Variants in FAM193A observed in about 807,000 individuals in gnomAD.
FAM193A encodes the protein protein FAM193A.
A neutral mutation model predicts 126.5 loss-of-function variants in FAM193A; 22 were observed. The ratio of observed to expected loss-of-function variants is 0.17; its 90% CI spans 0.12 to 0.25. The LOEUF (loss-of-function observed/expected upper bound fraction) is 0.25, where lower values mean the gene tolerates loss of function less well. FAM193A is among the 10% of genes least tolerant of loss of function. The probability of loss-of-function intolerance (pLI) is 1.00; values close to 1 mark genes in which losing one functional copy is unlikely to be tolerated. For synonymous variants in FAM193A, 761 were observed against 646.8 expected (o/e 1.18, Z -2.68); for missense variants, 1,675 against 1,672.8 (o/e 1.00, Z -0.02).
At chr4:2,578,764 A>G (rs1229839175) in intron 1 of FAM193A, among the ~76,000 whole-genome samples, 1 of 152,206 alleles carries the variant, frequency 6.6e-6, no homozygotes, top group African/African-American at 2.4e-5. Context: ...TTCCTACAAT[A>G]AAGTAAGCTA....
upstream of FAM193A, among the ~76,000 whole-genome samples, chr4:2,535,484 G>A (rs889109795): frequency 6.6e-6 from 1 of 152,190 alleles, no homozygotes; most frequent in African/African-American, 2.4e-5. Flanking sequence ...GACACCACCG[G>A]TGGAACCAAA....
intron 13 of FAM193A, among the ~76,000 whole-genome samples, chr4:2,681,152 G>T (rs192953349): frequency 6.4e-4 from 97 of 151,902 alleles, no homozygotes; most frequent in African/African-American, 2.2e-3. Context: ...ACCACTCCCA[G>T]CCCCTTTTAT....
At chr4:2,692,194 GC>G (rs1716465274) in intron 15 of FAM193A, among the ~76,000 whole-genome samples, 1 of 152,150 alleles carries the variant, frequency 6.6e-6, no homozygotes, top group South Asian at 2.1e-4. Context: ...GGCTAGGGAG[GC>G]TTCAGGAAAT....
At chr4:2,663,066 C>T (rs1712666167) in intron 11 of FAM193A, 43 bp from the exon 12 acceptor site, 1 of 1,599,380 alleles carries the variant, frequency 6.3e-7, no homozygotes, top group South Asian at 1.1e-5. Flanking sequence ...TTTTATATTA[C>T]TCTGTTTTGA....
At chr4:2,573,100 C>T (rs1739386496) in intron 1 of FAM193A, among the ~76,000 whole-genome samples, 1 of 152,078 alleles carries the variant, frequency 6.6e-6, no homozygotes, top group Admixed American at 6.6e-5. Flanking sequence ...AAGCAGGAAT[C>T]TCCTTTCTTC....
intron 1 of FAM193A, among the ~76,000 whole-genome samples, chr4:2,592,761 G>A (rs758303286): frequency 4.6e-5 from 7 of 152,176 alleles, no homozygotes; most frequent in Non-Finnish European, 8.8e-5. Flanking sequence ...CTGCAAAGAG[G>A]GGAAGGAAGA....
intron 1 of FAM193A, among the ~76,000 whole-genome samples, chr4:2,552,902 C>T (rs1417877683): frequency 2.8e-5 from 4 of 141,332 alleles, no homozygotes; most frequent in Non-Finnish European, 6.0e-5. Context: ...GGCTGGAGTG[C>T]AGTGGTGCAG....
intron 18 of FAM193A, 110 bp downstream of exon 18, chr4:2,696,703 C>G (rs1400399717): frequency 1.3e-6 from 1 of 756,390 alleles, no homozygotes; most frequent in Admixed American, 2.6e-5. Context: ...GGGGCTCTGA[C>G]GTGTGTTCAC....
At chr4:2,723,403 C>T (rs1259547325) in intron 20 of FAM193A, among the ~76,000 whole-genome samples, 1 of 151,976 alleles carries the variant, frequency 6.6e-6, no homozygotes, top group Non-Finnish European at 1.5e-5. Flanking sequence ...GTTGAAACCC[C>T]CTCTCTACTG....
At chr4:2,680,974 T>A (rs1233964976) in intron 13 of FAM193A, among the ~76,000 whole-genome samples, 1 of 152,144 alleles carries the variant, frequency 6.6e-6, no homozygotes, top group East Asian at 1.9e-4. Context: ...CCTTTTATGT[T>A]TTTTTCTTAA....
At chr4:2,553,218 A>G in intron 1 of FAM193A, among the ~76,000 whole-genome samples, 1 of 151,946 alleles carries the variant, frequency 6.6e-6, no homozygotes, top group Non-Finnish European at 1.5e-5. Flanking sequence ...AGCTCCAGCT[A>G]CTCAGTAGGC....
chr4:2,649,871 G>A (rs1397662903), intron 7 of FAM193A, among the ~76,000 whole-genome samples: 2 of 152,194 alleles, frequency 1.3e-5, no homozygotes, highest in African/African-American at 2.4e-5. Context: ...AAGCCTGTCA[G>A]TGTTTATAGC....
intron 7 of FAM193A, among the ~76,000 whole-genome samples, chr4:2,654,198 T>C (rs1048971445): frequency 2.0e-5 from 3 of 152,054 alleles, no homozygotes; most frequent in African/African-American, 7.2e-5. Context: ...TAAGTATGTA[T>C]GTATGTGGCA....
intron 1 of FAM193A, among the ~76,000 whole-genome samples, chr4:2,593,487 T>C (rs1426986956): frequency 6.6e-6 from 1 of 152,232 alleles, no homozygotes; most frequent in East Asian, 1.9e-4. Context: ...TTTGCTGTTA[T>C]GTTTTTCTCC....
intron 7 of FAM193A, among the ~76,000 whole-genome samples, chr4:2,655,798 G>A (rs1039027740): frequency 3.3e-5 from 5 of 152,144 alleles, no homozygotes; most frequent in Non-Finnish European, 7.4e-5. Context: ...AGGTGTGGTG[G>A]TGTGTGCCTG....
rs1483403899 is a variant in FAM193A, at chr4:2,622,398, T to C, written c.502-2864T>C. 2.6e-5 allele frequency among the ~76,000 whole-genome samples: 4 copies of C among 152,084 alleles called. No homozygotes were observed. In the East Asian group the frequency reaches 5.8e-4, roughly 22 times the overall value. ...GTCCTGCTTCCTTATGCCTGTCCTG[T>C]TCCTCCAGGATGGAGAAGGGGCACT... is the stretch of plus-strand genomic sequence containing the variant. On this transcript the variant is annotated intron_variant, in intron 2 of 20. Transcript: ENST00000637812.
chr4:2,674,062 A>G (rs2109172822), intron 13 of FAM193A, among the ~76,000 whole-genome samples: 1 of 152,364 alleles, frequency 6.6e-6, no homozygotes, highest in East Asian at 1.9e-4. Context: ...AAACTTAGAA[A>G]TTTATAACTA....
rs549655222 is a variant in FAM193A at position 2,649,163 on chromosome 4, C to T, written c.1311+2331C>T. ...CTAAGGTGGGAGGATCACTTGAGCC[C>T]AGGAGTTTGAGACCAGCCTGGGCAA... On this transcript the variant is annotated intron_variant, in intron 7 of 20. Coordinates refer to ENST00000637812, the MANE Select transcript of FAM193A (RefSeq NM_001366318.2). Among the ~76,000 whole-genome samples, 11 of 151,326 alleles carry T rather than the reference C, an allele frequency of 7.3e-5. No individual in the cohort carries two copies. In the South Asian group the frequency reaches 2.1e-3, roughly 29 times the overall value.
At chr4:2,572,377 G>A (rs529805324) in intron 1 of FAM193A, among the ~76,000 whole-genome samples, 1 of 151,110 alleles carries the variant, frequency 6.6e-6, no homozygotes, top group Non-Finnish European at 1.5e-5. Context: ...TTCTAATACC[G>A]TTTCCCCTGA....
Sources: allele counts gnomAD v4.1 joint callset (sites outside exome capture counted in the v4.1 genomes callset), GRCh38; gene constraint gnomAD v4.1.1; transcripts MANE v1.5; gene names NCBI Gene and HGNC (gene_info 2026-07-23, HGNC 2026-07-21).